BMAL2: variants seen among roughly 807,000 people sequenced by gnomAD.
BMAL2 encodes basic helix-loop-helix ARNT-like protein 2.
chr12:27,418,310 G>T, the BMAL2 span: 1 of 643,488 alleles, frequency 1.6e-6, no homozygotes, highest in Non-Finnish European at 2.6e-6. Flanking sequence ...TAAAACTAAG[G>T]TTTTTTTCAG....
chr12:27,364,645 T>C, the BMAL2 span, among the ~76,000 whole-genome samples: 1 of 152,148 alleles, frequency 6.6e-6, no homozygotes, highest in African/African-American at 2.4e-5. Context: ...TGTTCTTCTG[T>C]ATACTGTTCA....
the BMAL2 span, among the ~76,000 whole-genome samples, chr12:27,358,857 A>T: frequency 0.45 from 69,033 of 151,730 alleles, 15,777 homozygotes; most frequent in Non-Finnish European, 0.49. Flanking sequence ...TGAAATAATA[A>T]AATATTTTTT....
chr12:27,405,854 T>C, the BMAL2 span, among the ~76,000 whole-genome samples: 1 of 151,902 alleles, frequency 6.6e-6, no homozygotes, highest in Non-Finnish European at 1.5e-5. Context: ...AAAAAAAAAT[T>C]AGATGAATGG....
chr12:27,361,073 G>T, the BMAL2 span, among the ~76,000 whole-genome samples: 2 of 152,084 alleles, frequency 1.3e-5, no homozygotes, highest in Admixed American at 6.6e-5. Context: ...TATGAAAAAT[G>T]AAAGAAGCCA....
the BMAL2 span, among the ~76,000 whole-genome samples, chr12:27,398,455 T>C: frequency 6.6e-6 from 1 of 152,148 alleles, no homozygotes. Flanking sequence ...TAAAGAATTA[T>C]TGAGATAAGA....
At chr12:27,392,764 A>G in the BMAL2 span, among the ~76,000 whole-genome samples, 1 of 152,232 alleles carries the variant, frequency 6.6e-6, no homozygotes, top group Non-Finnish European at 1.5e-5. Flanking sequence ...AGTAGAGGCT[A>G]GAATGGTCAA....
At chr12:27,378,614 T>C in the BMAL2 span, among the ~76,000 whole-genome samples, 2 of 152,168 alleles carry the variant, frequency 1.3e-5, no homozygotes, top group African/African-American at 2.4e-5. Context: ...ATGAGGCAGA[T>C]CAGGGAGAAC....
chr12:27,360,554 T>A, the BMAL2 span, among the ~76,000 whole-genome samples: 2 of 152,074 alleles, frequency 1.3e-5, no homozygotes, highest in East Asian at 3.8e-4. Flanking sequence ...TTAACAGCTT[T>A]ATAATTAAAA....
chr12:27,388,909 C>G, the BMAL2 span, among the ~76,000 whole-genome samples: 3 of 152,016 alleles, frequency 2.0e-5, no homozygotes, highest in South Asian at 2.1e-4. Flanking sequence ...AACATGTTAA[C>G]AAGAGTTACA....
the BMAL2 span, chr12:27,401,634 A>G: frequency 4.3e-5 from 69 of 1,610,586 alleles, no homozygotes; most frequent in South Asian, 2.0e-4. Flanking sequence ...TCCTTGGACA[A>G]AAGAACTGGA....
chr12:27,378,120 C>T, the BMAL2 span, among the ~76,000 whole-genome samples: 1 of 152,194 alleles, frequency 6.6e-6, no homozygotes, highest in African/African-American at 2.4e-5. Flanking sequence ...GAGGGATTTA[C>T]AGCAAAGTGT....
chr12:27,367,087 G>T, the BMAL2 span, among the ~76,000 whole-genome samples: 1 of 152,150 alleles, frequency 6.6e-6, no homozygotes, highest in East Asian at 1.9e-4. Context: ...CATAGTAAGA[G>T]ATTAACTACA....
chr12:27,369,643 A>T, the BMAL2 span, among the ~76,000 whole-genome samples: 3 of 152,048 alleles, frequency 2.0e-5, no homozygotes, highest in Admixed American at 2.0e-4. Flanking sequence ...TTTCTTCCTT[A>T]TTCTTCAGAA....
the BMAL2 span, chr12:27,333,231 G>A: frequency 4.5e-6 from 4 of 892,556 alleles, no homozygotes; most frequent in Non-Finnish European, 5.2e-6. Flanking sequence ...GTCCTCTCGG[G>A]CCGGAGCATC....
chr12:27,389,936 G>T, the BMAL2 span: 1 of 638,226 alleles, frequency 1.6e-6, no homozygotes. Context: ...CATTTTTTGG[G>T]TATATTTCAC....
At chr12:27,385,639 G>T in the BMAL2 span, 1 of 949,046 alleles carries the variant, frequency 1.1e-6, no homozygotes, top group Non-Finnish European at 1.6e-6. Context: ...TCTTCCATTT[G>T]CTTCCTGTTC....
chr12:27,346,850 A>G, the BMAL2 span, among the ~76,000 whole-genome samples: 1 of 152,196 alleles, frequency 6.6e-6, no homozygotes, highest in African/African-American at 2.4e-5. Flanking sequence ...TATTTGGGTC[A>G]TGGGGTGGAT....
chr12:27,342,863 TCTC>T, the BMAL2 span, among the ~76,000 whole-genome samples: 1 of 152,352 alleles, frequency 6.6e-6, no homozygotes, highest in Non-Finnish European at 1.5e-5. Flanking sequence ...TTAGGACAAT[TCTC>T]CTTTTCTTTA....
At chr12:27,381,951 AAGGAAAAT>A in the BMAL2 span, among the ~76,000 whole-genome samples, 1 of 152,186 alleles carries the variant, frequency 6.6e-6, no homozygotes, top group Admixed American at 6.5e-5. Flanking sequence ...CTGCCAGGAA[AAGGAAAAT>A]ATATTTCAGG....
Sources: allele counts gnomAD v4.1 joint callset (sites outside exome capture counted in the v4.1 genomes callset), GRCh38; gene constraint gnomAD v4.1.1; transcripts MANE v1.5; gene names NCBI Gene and HGNC (gene_info 2026-07-23, HGNC 2026-07-21).